The following CACNA2D2 variants were observed in gnomAD, a reference collection of about 807,000 sequenced individuals.
CACNA2D2 encodes calcium voltage-gated channel auxiliary subunit alpha2delta 2.
In CACNA2D2, 48 loss-of-function variants were observed where a neutral mutation model predicts 166.4. The ratio of observed to expected loss-of-function variants is 0.29; its 90% CI spans 0.23 to 0.37. The LOEUF (loss-of-function observed/expected upper bound fraction) is 0.37, where lower values mean the gene tolerates loss of function less well. CACNA2D2 is among the 10% of genes least tolerant of loss of function. The pLI, the probability that CACNA2D2 is intolerant of heterozygous loss-of-function variation, is 1.00. For synonymous variants in CACNA2D2, 561 were observed against 573.7 expected, an observed-to-expected ratio of 0.98 and a Z score of 0.32; for missense variants, 1,122 against 1,433.0, an observed-to-expected ratio of 0.78 and a Z score of 3.50.
intron 3 of CACNA2D2, among the ~76,000 whole-genome samples, chr3:50,401,133 G>C (rs1354905246): frequency 6.6e-6 from 1 of 152,234 alleles, no homozygotes; most frequent in African/African-American, 2.4e-5. Context: ...CTGGCACAGA[G>C]GGTGCCTCAG....
At position 50,367,613 on chromosome 3, in the gene CACNA2D2, G is replaced by C; in HGVS notation, c.2297+29C>G. The C allele has an allele frequency of 1.2e-5, 20 of 1,610,246 alleles. No homozygotes were observed. The highest frequency in any genetic ancestry group is 1.7e-5 in the Non-Finnish European group (20 of 1,177,016). Reference sequence around the variant, plus strand: ...AGATGCAGGTTCCCTGGCAGGGGCAGGGTTTGGGTAGTGGGATAGGTCACT... The same window carrying C: ...AGATGCAGGTTCCCTGGCAGGGGCACGGTTTGGGTAGTGGGATAGGTCACT... On this transcript the variant is annotated intron_variant, in intron 26 of 37. Coordinates refer to ENST00000424201, the MANE Select transcript of CACNA2D2 (RefSeq NM_006030.4). This position sits in a 1 kb window ranked among gnomAD's most constrained non-coding sequence, Gnocchi z 6.5.
intron 2 of CACNA2D2, among the ~76,000 whole-genome samples, chr3:50,451,779 T>C (rs956724781): frequency 1.3e-5 from 2 of 152,036 alleles, no homozygotes; most frequent in African/African-American, 4.8e-5. Context: ...GTCCCACAGG[T>C]GCACCCTTCA....
At chr3:50,368,049 T>C in intron 24 of CACNA2D2, 89 bp downstream of exon 24, 1 of 1,218,228 alleles carries the variant, frequency 8.2e-7, no homozygotes, top group Non-Finnish European at 1.2e-6. Context: ...CCTGCTTATT[T>C]CCACACCTGC....
intron 2 of CACNA2D2, among the ~76,000 whole-genome samples, chr3:50,455,011 C>T (rs1356808170): frequency 6.6e-6 from 1 of 152,232 alleles, no homozygotes; most frequent in Middle Eastern, 3.2e-3. Flanking sequence ...AAGGCTTCGG[C>T]CCTAGGGATA....
chr3:50,410,293 A>G (rs1454014818), intron 3 of CACNA2D2, among the ~76,000 whole-genome samples: 1 of 152,220 alleles, frequency 6.6e-6, no homozygotes, highest in East Asian at 1.9e-4. Flanking sequence ...ACTCTTGCAT[A>G]GAAAGGCTGA....
At chr3:50,459,663 C>G (rs1261605144) in intron 2 of CACNA2D2, among the ~76,000 whole-genome samples, 10 of 152,196 alleles carry the variant, frequency 6.6e-5, no homozygotes, top group Admixed American at 4.6e-4. Flanking sequence ...CTTCGAGCCC[C>G]TCAGAACTCC....
chr3:50,407,361 T>C lies in CACNA2D2; in HGVS notation c.406-13193A>G, dbSNP rs544384348. Among the ~76,000 whole-genome samples the C allele has an allele frequency of 4.9e-3, 743 of 151,522 alleles. 83 individuals are homozygous for C. The East Asian group carries it at 0.15, about 30-fold the overall frequency. Reference sequence around the variant, plus strand: ...AGATGGAACCATGGTGCTGGCCAAATTAGACTTCCTAGGCCTGCCACTCGT... The same window carrying C: ...AGATGGAACCATGGTGCTGGCCAAACTAGACTTCCTAGGCCTGCCACTCGT... On this transcript the variant is annotated intron_variant, in intron 3 of 37. Transcript: ENST00000424201.
At position 50,378,050 on chromosome 3, in the gene CACNA2D2, C is replaced by T. The variant is rs1192327116; in HGVS notation, c.1437G>A (p.Glu479=). ...LGRPMVLAGK[E]AKQVQWTNVY... ...CGTTGGTCCACTGCACCTGCTTGGC[C>T]TCCTTGCCTGCCAGCACCATGGGCC... Residue 479 remains glutamate (E), a synonymous_variant, in exon 15 of 38, where the codon GAG becomes GAA. Transcript: ENST00000424201. 1 of 1,613,720 alleles carries T rather than the reference C, an allele frequency of 6.2e-7. No individual in the cohort carries two copies. The highest frequency in any genetic ancestry group is 8.5e-7 in the Non-Finnish European group (1 of 1,180,022).
Position 50,445,244 on chromosome 3 carries a change from C to T in CACNA2D2, c.289-10815G>A, listed in dbSNP as rs182126891. On this transcript the variant is annotated intron_variant, in intron 2 of 37. Transcript: ENST00000424201. Reference sequence around the variant, plus strand: ...GAAGGGCTCCTAACAGCATAGGTGCCGGACCTGGATGGGGCAAGGGCATGG... The same window carrying T: ...GAAGGGCTCCTAACAGCATAGGTGCTGGACCTGGATGGGGCAAGGGCATGG... 1.8e-3 allele frequency among the ~76,000 whole-genome samples: 267 copies of T among 152,264 alleles called. 2 individuals carry two copies. The highest frequency in any genetic ancestry group is 6.0e-3 in the African/African-American group (248 of 41,540).
Position 50,376,101 on chromosome 3 carries a change from C to A in CACNA2D2, c.1701+13G>T. On this transcript the variant is annotated intron_variant, in intron 18 of 37. Coordinates refer to ENST00000424201, the MANE Select transcript of CACNA2D2 (RefSeq NM_006030.4). This position sits in a 1 kb window ranked among gnomAD's most constrained non-coding sequence, Gnocchi z 4.3. ...AAGGTTTGCCCACCCTCCAGGCCAC[C>A]CGTCTGGCTCACCTGGGGCTTGAGA... is the stretch of plus-strand genomic sequence containing the variant. 2 of 1,613,414 alleles carry A rather than the reference C, an allele frequency of 1.2e-6. No homozygotes were observed. Among genetic ancestry groups the A allele is most frequent in the South Asian group, 1.1e-5 (1 of 91,082 alleles).
In CACNA2D2 at chr3:50,367,320, G is replaced by T; in HGVS notation, c.2401+74C>A. 7.2e-7 allele frequency: 1 copy of T among 1,381,396 alleles called. No homozygotes were observed. The highest frequency in any genetic ancestry group is 1.0e-6 in the Non-Finnish European group (1 of 976,902). The allele number at this position is 1,381,396 out of a possible 1,614,324, so 85.6% of individuals were successfully genotyped here. On this transcript the variant is annotated intron_variant, in intron 27 of 37. Transcript: ENST00000424201. The surrounding 1 kb of genome is among the most constrained non-coding windows in gnomAD (Gnocchi z 6.5). ...TTGGAGAGGGGCCTCAGACAGCAGA[G>T]CCCAGTTCTGGCTGAGCAGACAGGG...
chr3:50,490,321 C>T (rs531114648), intron 1 of CACNA2D2, among the ~76,000 whole-genome samples: 1 of 152,290 alleles, frequency 6.6e-6, no homozygotes, highest in South Asian at 2.1e-4. Flanking sequence ...TGCCCCCTTG[C>T]TGGGCAGAGG....
At chr3:50,405,360 G>A (rs1706652873) in intron 3 of CACNA2D2, among the ~76,000 whole-genome samples, 1 of 141,670 alleles carries the variant, frequency 7.1e-6, no homozygotes, top group South Asian at 2.4e-4. Context: ...CAAGGGCCGT[G>A]GTGGGGAGGG....
At chr3:50,381,399 G>A (rs1490001733) in intron 6 of CACNA2D2, among the ~76,000 whole-genome samples, 1 of 152,130 alleles carries the variant, frequency 6.6e-6, no homozygotes. Flanking sequence ...GTGGCTGGTA[G>A]CCTCTGGAGA....
chr3:50,441,207 G>A (rs1000593393), intron 2 of CACNA2D2, among the ~76,000 whole-genome samples: 3 of 152,052 alleles, frequency 2.0e-5, no homozygotes, highest in Admixed American at 1.3e-4. Context: ...GTCCTCAAGA[G>A]GCAACTTCTA....
intron 3 of CACNA2D2, among the ~76,000 whole-genome samples, chr3:50,428,959 G>A (rs769841833): frequency 6.6e-5 from 10 of 152,152 alleles, no homozygotes; most frequent in Admixed American, 2.6e-4. Flanking sequence ...GCCAGGTGCC[G>A]TGGCTCACAC....
intron 2 of CACNA2D2, among the ~76,000 whole-genome samples, 194 bp from the exon 3 acceptor site, chr3:50,434,623 C>T (rs938817430): frequency 2.0e-5 from 3 of 152,186 alleles, no homozygotes; most frequent in Non-Finnish European, 2.9e-5. Flanking sequence ...CCAGGGGCTC[C>T]GTAGCTTGCA....
chr3:50,421,212 G>A (rs886412833), intron 3 of CACNA2D2, among the ~76,000 whole-genome samples: 10 of 152,358 alleles, frequency 6.6e-5, no homozygotes, highest in East Asian at 1.9e-4. Context: ...AAAGAAAAAC[G>A]TGGAGGGGGA....
intron 3 of CACNA2D2, among the ~76,000 whole-genome samples, chr3:50,430,848 T>C (rs957262548): frequency 1.3e-5 from 2 of 152,152 alleles, no homozygotes; most frequent in South Asian, 2.1e-4. Flanking sequence ...CCAAGACAGG[T>C]ACCCCTCCAT....
Sources: allele counts gnomAD v4.1 joint callset (sites outside exome capture counted in the v4.1 genomes callset), GRCh38; gene constraint gnomAD v4.1.1; non-coding constraint Gnocchi (gnomAD v3.1); transcripts MANE v1.5; gene names NCBI Gene and HGNC (gene_info 2026-07-23, HGNC 2026-07-21).